Variants in ARHGEF4 observed in about 807,000 individuals in gnomAD.
ARHGEF4 encodes the protein APC-stimulated guanine nucleotide exchange factor 1.
ARHGEF4 carries 119 observed loss-of-function variants against 162.0 expected under a neutral mutation model. The observed-to-expected ratio is 0.73, with a 90% CI of 0.63 to 0.86. ARHGEF4 has a LOEUF of 0.86. Ranked by LOEUF, ARHGEF4 falls within the 40% of genes least tolerant of loss-of-function variation. The pLI is 0.00. For missense variants in ARHGEF4, 2,488 were observed against 2,456.0 expected (o/e 1.01, Z -0.28); for synonymous variants, 1,014 against 979.9 (o/e 1.03, Z -0.65).
intron 4 of ARHGEF4, among the ~76,000 whole-genome samples, chr2:130,973,460 G>A (rs1685492559): frequency 6.6e-6 from 1 of 152,206 alleles, no homozygotes; most frequent in African/African-American, 2.4e-5. Context: ...CTGCACTCCA[G>A]CCTGAGTGGC....
At chr2:130,928,521 A>G (rs1000325403) in intron 2 of ARHGEF4, among the ~76,000 whole-genome samples, 17 of 152,194 alleles carry the variant, frequency 1.1e-4, no homozygotes, top group African/African-American at 3.9e-4. Flanking sequence ...GTTTGAGGGA[A>G]GGAGAAATGG....
chr2:131,007,375 C>A (rs1315085784), intron 4 of ARHGEF4, among the ~76,000 whole-genome samples: 2 of 152,192 alleles, frequency 1.3e-5, no homozygotes, highest in African/African-American at 4.8e-5. Flanking sequence ...TAATATCTTT[C>A]TGGTACCTTC....
intron 2 of ARHGEF4, among the ~76,000 whole-genome samples, chr2:130,927,358 G>T (rs1682357696): frequency 6.6e-6 from 1 of 152,156 alleles, no homozygotes; most frequent in South Asian, 2.1e-4. Flanking sequence ...CAGACAGCAT[G>T]GTGGAGGGCC....
intron 5 of ARHGEF4, among the ~76,000 whole-genome samples, chr2:131,031,950 G>C (rs1053466289): frequency 1.3e-5 from 2 of 152,188 alleles, no homozygotes; most frequent in Admixed American, 6.5e-5. Context: ...CACCGTGTGG[G>C]CAGTGCTGCC....
At position 131,031,104 on chromosome 2, in the gene ARHGEF4, A is replaced by C. The variant is rs966466715; in HGVS notation, c.4125+3020A>C. ...ATTTTCTAAGAATATGTAGGGGCTAAATTGTGGCCCTTTCTTATCTTTTTG... is the reference window on the plus strand; with the variant it reads ...ATTTTCTAAGAATATGTAGGGGCTACATTGTGGCCCTTTCTTATCTTTTTG... On this transcript the variant is annotated intron_variant, in intron 5 of 13. Transcript: ENST00000409359. 3.3e-5 allele frequency among the ~76,000 whole-genome samples: 5 copies of C among 152,310 alleles called. No individual in the cohort carries two copies. The South Asian group carries it at 1.0e-3, about 32-fold the overall frequency.
chr2:130,889,532 G>T (rs1474538883), intron 1 of ARHGEF4, among the ~76,000 whole-genome samples: 1 of 151,918 alleles, frequency 6.6e-6, no homozygotes, highest in African/African-American at 2.4e-5. Context: ...GTACTTACAG[G>T]CTGGGCGTGG....
intron 4 of ARHGEF4, among the ~76,000 whole-genome samples, chr2:130,996,979 AATATTGCAAATAT>A (rs1687431622): frequency 1.3e-5 from 2 of 152,338 alleles, no homozygotes; most frequent in Admixed American, 1.3e-4. Context: ...GTTGGATATA[AATATTGCAAATAT>A]ATTCTCACAG....
At chr2:130,888,163 C>T (rs1465930510) in intron 1 of ARHGEF4, among the ~76,000 whole-genome samples, 1 of 151,938 alleles carries the variant, frequency 6.6e-6, no homozygotes, top group African/African-American at 2.4e-5. Flanking sequence ...ATTTTTCTAT[C>T]TTCTAACTTC....
chr2:131,023,832 TAATAGG>T (rs1272580065), intron 4 of ARHGEF4, among the ~76,000 whole-genome samples: 2 of 152,218 alleles, frequency 1.3e-5, no homozygotes, highest in African/African-American at 4.8e-5. Context: ...GCTGTATTCA[TAATAGG>T]AATAGTTGGA....
At chr2:130,928,853 C>G (rs921763790) in intron 2 of ARHGEF4, among the ~76,000 whole-genome samples, 2 of 152,154 alleles carry the variant, frequency 1.3e-5, no homozygotes, top group African/African-American at 4.8e-5. Context: ...CTTTCTGGCC[C>G]CCTCCCCTGG....
At chr2:130,960,099 T>G (rs544343070) in intron 4 of ARHGEF4, among the ~76,000 whole-genome samples, 2 of 152,144 alleles carry the variant, frequency 1.3e-5, no homozygotes, top group Non-Finnish European at 2.9e-5. Context: ...TATAATGGCA[T>G]TTTGGTCAGT....
intron 1 of ARHGEF4, among the ~76,000 whole-genome samples, chr2:130,845,968 G>A (rs1271542196): frequency 6.6e-6 from 1 of 152,226 alleles, no homozygotes; most frequent in Non-Finnish European, 1.5e-5. Context: ...CAGAGGCAGT[G>A]GAGATTTGCT....
intron 1 of ARHGEF4, among the ~76,000 whole-genome samples, chr2:130,871,714 C>T (rs1266924661): frequency 6.6e-6 from 1 of 152,088 alleles, no homozygotes; most frequent in Non-Finnish European, 1.5e-5. Flanking sequence ...ATCCTGTGGA[C>T]ACTATTTCAG....
chr2:131,017,926 C>A, intron 4 of ARHGEF4, among the ~76,000 whole-genome samples: 1 of 151,996 alleles, frequency 6.6e-6, no homozygotes, highest in Admixed American at 6.6e-5. Flanking sequence ...TTTTTTCTAG[C>A]TATAGACAAG....
intron 5 of ARHGEF4, among the ~76,000 whole-genome samples, chr2:131,032,848 C>CTTTTTTTT (rs111971610): frequency 3.3e-4 from 42 of 128,610 alleles, no homozygotes; most frequent in African/African-American, 9.1e-4. Context: ...TTTCTTTTTT[C>CTTTTTTTT]TTTTTTTTTT....
chr2:130,879,502 C>G (rs751654172), intron 1 of ARHGEF4, among the ~76,000 whole-genome samples: 3 of 152,114 alleles, frequency 2.0e-5, no homozygotes, highest in Non-Finnish European at 2.9e-5. Flanking sequence ...TCATTATTAA[C>G]TATAGTCACC....
chr2:131,032,707 CTA>C (rs1380511769), intron 5 of ARHGEF4, among the ~76,000 whole-genome samples: 2 of 151,760 alleles, frequency 1.3e-5, no homozygotes, highest in Non-Finnish European at 2.9e-5. Context: ...CCCCAGACAC[CTA>C]TGTCTCCCTT....
intron 4 of ARHGEF4, among the ~76,000 whole-genome samples, chr2:130,962,363 TC>T (rs1311568841): frequency 4.6e-5 from 7 of 151,862 alleles, no homozygotes; most frequent in Non-Finnish European, 7.4e-5. Flanking sequence ...GGCTGAGTCA[TC>T]CCCCAATTCT....
chr2:131,044,555 G>A lies in ARHGEF4; in HGVS notation c.5401+13G>A. 2 of 1,545,860 alleles carry A rather than the reference G, an allele frequency of 1.3e-6. No individual in the cohort carries two copies. The highest frequency in any genetic ancestry group is 2.4e-5 in the South Asian group (2 of 83,944). The stretch of plus-strand genomic sequence containing the variant: ...GACCAGGAGACAGGTTCGAGACCCT[G>A]CTGGGCCTTGCCCCGCCCCCAGGGC... On this transcript the variant is annotated intron_variant, in intron 12 of 13. Coordinates refer to ENST00000409359, the MANE Select transcript of ARHGEF4 (RefSeq NM_001367493.1).
Sources: allele counts gnomAD v4.1 joint callset (sites outside exome capture counted in the v4.1 genomes callset), GRCh38; gene constraint gnomAD v4.1.1; transcripts MANE v1.5; gene names NCBI Gene and HGNC (gene_info 2026-07-23, HGNC 2026-07-21).